The following FAM227A variants were observed in gnomAD, a reference collection of about 807,000 sequenced individuals.
FAM227A encodes the protein family with sequence similarity 227 member A.
In FAM227A, 80 loss-of-function variants were observed where a neutral mutation model predicts 74.7. That is an observed-to-expected ratio of 1.07 (90% CI 0.89 to 1.29). The LOEUF is 1.29. Ranked by LOEUF, FAM227A falls within the 50% of genes most tolerant of loss-of-function variation. The probability of loss-of-function intolerance (pLI) is 0.00; values close to 1 mark genes in which losing one functional copy is unlikely to be tolerated. For synonymous variants in FAM227A, 237 were observed against 241.8 expected (o/e 0.98, Z 0.19); for missense variants, 654 against 683.4 (o/e 0.96, Z 0.48).
chr22:38,645,120 G>A (rs1273710742), intron 3 of FAM227A, among the ~76,000 whole-genome samples: 3 of 151,932 alleles, frequency 2.0e-5, no homozygotes, highest in South Asian at 2.1e-4. Context: ...GGCCGGGCGC[G>A]GTGGCTCACG....
At chr22:38,632,418 G>C (rs920576851) in intron 6 of FAM227A, among the ~76,000 whole-genome samples, 3 of 152,102 alleles carry the variant, frequency 2.0e-5, no homozygotes, top group Non-Finnish European at 2.9e-5. Flanking sequence ...AGCAATTTCA[G>C]TCCTTTCGCC....
rs2090734726 is a variant in FAM227A, at chr22:38,583,090, G to A, written c.*3035C>T. ...GTGGCTGGGGTAGTAAAGGGAAGGT[G>A]AGAGAGTGTTCTGCTTATCTGCCCC... On this transcript the variant is annotated 3_prime_UTR_variant, in exon 17 of 17. Transcript: ENST00000535113. The A allele has an allele frequency of 3.3e-6, 3 of 914,238 alleles. No homozygotes were observed. Among genetic ancestry groups the A allele is most frequent in the Non-Finnish European group, 5.0e-6 (3 of 604,466 alleles). The allele number at this position is 914,238 out of a possible 1,614,324, so 56.6% of individuals were successfully genotyped here.
At chr22:38,613,156 TA>T in intron 11 of FAM227A, among the ~76,000 whole-genome samples, 1 of 87,832 alleles carries the variant, frequency 1.1e-5, no homozygotes, top group Non-Finnish European at 2.0e-5. Context: ...TTATATATTA[TA>T]TATCTATGCT....
chr22:38,641,954 TGTGTGTGTGTGTGTGTGTGTGCGCAC>T (rs1172704860), intron 3 of FAM227A, among the ~76,000 whole-genome samples: 16 of 139,794 alleles, frequency 1.1e-4, no homozygotes, highest in African/African-American at 4.5e-4. Context: ...AAAAGGTGTG[TGTGTGTGTGTGTGTGTGTGTGCGCAC>T]GTGTGTGTGC....
chr22:38,586,499 G>T (rs1298415563), intron 16 of FAM227A, among the ~76,000 whole-genome samples: 2 of 152,116 alleles, frequency 1.3e-5, no homozygotes, highest in Non-Finnish European at 2.9e-5. Context: ...CATTGGAGGT[G>T]ACATCCCTCT....
At chr22:38,592,982 A>G (rs1036793913) in intron 15 of FAM227A, among the ~76,000 whole-genome samples, 4 of 152,240 alleles carry the variant, frequency 2.6e-5, no homozygotes, top group African/African-American at 9.6e-5. Flanking sequence ...ACTTAGCCCC[A>G]TAGCCAGACC....
At chr22:38,651,582 G>A (rs901980425) in intron 1 of FAM227A, among the ~76,000 whole-genome samples, 18 of 151,874 alleles carry the variant, frequency 1.2e-4, no homozygotes, top group African/African-American at 3.9e-4. Context: ...GGCTGGTCTC[G>A]AACTCCTGAC....
chr22:38,626,891 A>AAAAAAATATATATATAT (rs1555966996), intron 8 of FAM227A, among the ~76,000 whole-genome samples: 2 of 57,686 alleles, frequency 3.5e-5, no homozygotes, highest in East Asian at 5.7e-4. Flanking sequence ...AAAAAAAAAA[A>AAAAAAATATATATATAT]ATATATATAT....
At chr22:38,624,386 T>G (rs1441283878) in intron 9 of FAM227A, among the ~76,000 whole-genome samples, 1 of 147,994 alleles carries the variant, frequency 6.8e-6, no homozygotes, top group African/African-American at 2.5e-5. Context: ...CAAAACTCCA[T>G]CTCAAAAAAA....
intron 15 of FAM227A, among the ~76,000 whole-genome samples, chr22:38,595,978 G>GC (rs1428578518): frequency 1.3e-5 from 2 of 150,614 alleles, no homozygotes; most frequent in African/African-American, 4.9e-5. Context: ...TAAGGGGGGG[G>GC]GGGCAGGATA....
chr22:38,587,643 C>G (rs138270547), intron 16 of FAM227A, among the ~76,000 whole-genome samples: 183 of 152,280 alleles, frequency 1.2e-3, no homozygotes, highest in Middle Eastern at 6.8e-3. Context: ...GTGAATTCTA[C>G]CAAACCATTA....
chr22:38,632,215 G>A (rs1279169040), intron 6 of FAM227A, among the ~76,000 whole-genome samples: 1 of 152,148 alleles, frequency 6.6e-6, no homozygotes, highest in African/African-American at 2.4e-5. Context: ...ACACAATTCT[G>A]AAGTAGTGAT....
Position 38,645,580 on chromosome 22 carries a change from G to C in FAM227A, c.208C>G (p.Pro70Ala), listed in dbSNP as rs768176964. Residue 70 changes from proline to alanine, a missense_variant, in exon 3 of 17, where the codon CCG becomes GCG. Pro to Ala is a conservative substitution (Grantham distance 27). Coordinates refer to ENST00000535113, the MANE Select transcript of FAM227A (RefSeq NM_001013647.2). Reference protein sequence around the residue: ...KIADINLRTEPSANSLAIERF... With the variant: ...KIADINLRTEASANSLAIERF... The stretch of plus-strand genomic sequence containing the variant: ...TAACTCACCAGGCTGTTGGCCGACG[G>C]CTCGGTACGCAGATTTATGTCAGCA... 3 of 1,551,212 alleles carry C rather than the reference G, an allele frequency of 1.9e-6. No individual in the cohort carries two copies. In the South Asian group the frequency reaches 3.6e-5, roughly 18 times the overall value.
At chr22:38,621,403 CCT>C (rs2091688679) in intron 10 of FAM227A, among the ~76,000 whole-genome samples, 1 of 150,370 alleles carries the variant, frequency 6.7e-6, no homozygotes, top group African/African-American at 2.4e-5. Context: ...AAAAAAACTC[CCT>C]GAGTGTGCAT....
chr22:38,582,616 G>A lies in FAM227A; in HGVS notation c.*3509C>T, dbSNP rs190771661. On this transcript the variant is annotated 3_prime_UTR_variant, in exon 17 of 17. Coordinates refer to ENST00000535113, the MANE Select transcript of FAM227A (RefSeq NM_001013647.2). ...ACATCCTGAGAGGCTACAACTCTGAGTCCTCAGTCATTTCTGGAAAGGGTC... is the reference window on the plus strand; with the variant it reads ...ACATCCTGAGAGGCTACAACTCTGAATCCTCAGTCATTTCTGGAAAGGGTC... 1 of 724,584 alleles carries A rather than the reference G, an allele frequency of 1.4e-6. No individual in the cohort carries two copies. Among genetic ancestry groups the A allele is most frequent in the African/African-American group, 1.8e-5 (1 of 56,350 alleles). 44.9% of individuals were successfully genotyped at this position (724,584 alleles called of 1,614,324 possible).
At position 38,582,178 on chromosome 22, in the gene FAM227A, CAA is replaced by C; in HGVS notation, c.*3945_*3946del. 1.5e-6 allele frequency: 1 copy of C among 645,586 alleles called. No individual in the cohort carries two copies. The highest frequency in any genetic ancestry group is 2.6e-6 in the Non-Finnish European group (1 of 377,858). The allele number at this position is 645,586 out of a possible 1,614,324, so 40.0% of individuals were successfully genotyped here. On this transcript the variant is annotated 3_prime_UTR_variant, in exon 17 of 17. Transcript: ENST00000535113. ...AGATAGTAGACATATCTGTCACCCC[CAA>C]AAGTTTATTTGGGCCTCTTTGTAAC...
At chr22:38,598,603 GTCC>G (rs1453200513) in intron 14 of FAM227A, among the ~76,000 whole-genome samples, 2 of 152,222 alleles carry the variant, frequency 1.3e-5, no homozygotes, top group East Asian at 3.8e-4. Context: ...AAGACGCAAA[GTCC>G]TCCTAGTTCA....
chr22:38,610,877 T>C (rs578074797), intron 11 of FAM227A, among the ~76,000 whole-genome samples: 2 of 152,034 alleles, frequency 1.3e-5, no homozygotes, highest in South Asian at 4.2e-4. Flanking sequence ...CTGGCCAATA[T>C]GGTGAAACCC....
At chr22:38,608,143 A>T (rs921221508) in intron 11 of FAM227A, among the ~76,000 whole-genome samples, 3 of 131,826 alleles carry the variant, frequency 2.3e-5, no homozygotes, top group Non-Finnish European at 4.7e-5. Flanking sequence ...ACATAGTGAG[A>T]CCTTTTCTCT....
Sources: allele counts gnomAD v4.1 joint callset (sites outside exome capture counted in the v4.1 genomes callset), GRCh38; gene constraint gnomAD v4.1.1; transcripts MANE v1.5; gene names NCBI Gene and HGNC (gene_info 2026-07-23, HGNC 2026-07-21).